Variants in ANKFN1 observed in about 807,000 individuals in gnomAD.
ANKFN1 encodes ankyrin repeat and fibronectin type-III domain-containing protein 1.
Under a neutral mutation model 108.7 loss-of-function variants are expected in ANKFN1, and 74 were observed. The observed-to-expected ratio is 0.68, with a 90% CI of 0.56 to 0.83. The LOEUF is 0.83. ANKFN1 is among the 40% of genes least tolerant of loss of function. The probability of loss-of-function intolerance (pLI) is 0.00; values close to 1 mark genes in which losing one functional copy is unlikely to be tolerated. For synonymous variants in ANKFN1, 547 were observed against 516.2 expected (o/e 1.06, Z -0.81); for missense variants, 1,505 against 1,382.3 (o/e 1.09, Z -1.41).
intron 4 of ANKFN1, among the ~76,000 whole-genome samples, chr17:56,339,140 C>A (rs2045895008): frequency 6.6e-6 from 1 of 151,386 alleles, no homozygotes; most frequent in Non-Finnish European, 1.5e-5. Context: ...GTATTTTAAT[C>A]TTTTGATGCT....
intron 18 of ANKFN1, among the ~76,000 whole-genome samples, chr17:56,491,766 G>A (rs1444083946): frequency 6.6e-6 from 1 of 152,154 alleles, no homozygotes; most frequent in African/African-American, 2.4e-5. Context: ...GAGTAGGCAA[G>A]ATATGTACTG....
chr17:56,509,826 C>G (rs1298675907), intron 20 of ANKFN1, among the ~76,000 whole-genome samples: 1 of 152,194 alleles, frequency 6.6e-6, no homozygotes, highest in Non-Finnish European at 1.5e-5. Context: ...AGACTTTATC[C>G]ATGAATTTTG....
At chr17:56,188,581 G>GTGTGTATATA (rs1212242378) in intron 1 of ANKFN1, among the ~76,000 whole-genome samples, 15 of 49,642 alleles carry the variant, frequency 3.0e-4, no homozygotes, top group East Asian at 1.5e-3. Context: ...GTGTGTGTGT[G>GTGTGTATATA]TATATATATA....
intron 3 of ANKFN1, among the ~76,000 whole-genome samples, chr17:56,286,060 T>C (rs2044209418): frequency 6.6e-6 from 1 of 152,190 alleles, no homozygotes; most frequent in African/African-American, 2.4e-5. Context: ...CTATCCAGTA[T>C]CCTGCTCTGC....
intron 1 of ANKFN1, among the ~76,000 whole-genome samples, chr17:56,162,833 T>G (rs1410531468): frequency 1.3e-5 from 2 of 152,012 alleles, no homozygotes; most frequent in African/African-American, 4.8e-5. Flanking sequence ...GTCAGGAGTT[T>G]GAGACCAGCC....
chr17:56,092,989 G>C (rs947129129), intron 4 of ANKFN1, among the ~76,000 whole-genome samples: 1 of 151,116 alleles, frequency 6.6e-6, no homozygotes. Context: ...CCTGTGATTA[G>C]ATTAGGTTCA....
At chr17:56,320,132 T>C (rs2045321216) in intron 3 of ANKFN1, among the ~76,000 whole-genome samples, 1 of 152,162 alleles carries the variant, frequency 6.6e-6, no homozygotes, top group South Asian at 2.1e-4. Context: ...AGAGATACCA[T>C]TGCATGGCAC....
chr17:56,516,281 TGC>T lies in ANKFN1; in HGVS notation c.*5014_*5015del, dbSNP rs1216445263. Among the ~76,000 whole-genome samples the T allele has an allele frequency of 3.3e-5, 5 of 151,026 alleles. No individual in the cohort carries two copies. The highest frequency in any genetic ancestry group is 1.2e-4 in the African/African-American group (5 of 41,038). On this transcript the variant is annotated 3_prime_UTR_variant, in exon 21 of 21. Coordinates refer to ENST00000682825, the MANE Select transcript of ANKFN1 (RefSeq NM_001370326.1). The stretch of plus-strand genomic sequence containing the variant: ...AAGTGTGTGTGTGTGTGTGTGTGTG[TGC>T]GTGTGTGGTGGTGTCAGAGAGATGT...
chr17:56,457,762 C>CAAAAAA, intron 13 of ANKFN1, 101 bp from the exon 14 acceptor site: 1 of 838,968 alleles, frequency 1.2e-6, no homozygotes, highest in Non-Finnish European at 2.0e-6. Flanking sequence ...GGAGAATAAA[C>CAAAAAA]ATCAGGGGTC....
At chr17:56,411,937 G>A (rs1598557979) in intron 8 of ANKFN1, among the ~76,000 whole-genome samples, 1 of 152,106 alleles carries the variant, frequency 6.6e-6, no homozygotes, top group Non-Finnish European at 1.5e-5. Flanking sequence ...AGGGACATTG[G>A]CCTGTAGATT....
Position 56,436,752 on chromosome 17 carries a change from C to G in ANKFN1, c.911-3575C>G, listed in dbSNP as rs566504600. 2.3e-3 allele frequency among the ~76,000 whole-genome samples: 342 copies of G among 151,856 alleles called. 1 individual carries two copies. The highest frequency in any genetic ancestry group is 3.0e-3 in the Non-Finnish European group (206 of 67,970). ...GGCTGAGACAGGAAAATCACTTGTACCCGGGAGGCGGAGGTTGGAGGTTGC... is the reference window on the plus strand; with the variant it reads ...GGCTGAGACAGGAAAATCACTTGTAGCCGGGAGGCGGAGGTTGGAGGTTGC... On this transcript the variant is annotated intron_variant, in intron 8 of 20. Coordinates refer to ENST00000682825, the MANE Select transcript of ANKFN1 (RefSeq NM_001370326.1).
chr17:56,355,156 T>C (rs1274083781), intron 6 of ANKFN1, among the ~76,000 whole-genome samples: 1 of 152,156 alleles, frequency 6.6e-6, no homozygotes, highest in Non-Finnish European at 1.5e-5. Flanking sequence ...ATACACTAAA[T>C]ACCCTAATTT....
chr17:56,478,687 A>G (rs959749336), intron 16 of ANKFN1, among the ~76,000 whole-genome samples: 3 of 151,830 alleles, frequency 2.0e-5, no homozygotes, highest in Admixed American at 2.0e-4. Flanking sequence ...AAAAAGAAAG[A>G]GAAGAAAAGA....
chr17:56,224,777 G>C (rs914430022), intron 2 of ANKFN1: 2 of 152,246 alleles, frequency 1.3e-5, no homozygotes, highest in African/African-American at 2.4e-5. Context: ...AGACAGAGAT[G>C]TATCCTCAGT....
chr17:56,317,707 T>C (rs1348768243), intron 3 of ANKFN1, among the ~76,000 whole-genome samples: 1 of 152,150 alleles, frequency 6.6e-6, no homozygotes, highest in Non-Finnish European at 1.5e-5. Flanking sequence ...TGGTGGACAA[T>C]ATGACAACAA....
chr17:56,512,004 A>G lies in ANKFN1; in HGVS notation c.*735A>G, dbSNP rs1229801515. ...GGACAGAAAGTAGCCCTTCCTGTAT[A>G]CTCAGCTCCCATCCAAGCATGAAAA... On this transcript the variant is annotated 3_prime_UTR_variant, in exon 21 of 21. Coordinates refer to ENST00000682825, the MANE Select transcript of ANKFN1 (RefSeq NM_001370326.1). Among the ~76,000 whole-genome samples the G allele has an allele frequency of 6.6e-6, 1 of 152,144 alleles. No homozygotes were observed. The highest frequency in any genetic ancestry group is 1.5e-5 in the Non-Finnish European group (1 of 68,028).
intron 4 of ANKFN1, among the ~76,000 whole-genome samples, chr17:56,073,115 C>T (rs2143143295): frequency 6.6e-6 from 1 of 151,496 alleles, no homozygotes; most frequent in East Asian, 1.9e-4. Flanking sequence ...GCCTCAGCCT[C>T]CCAAGTAGCT....
Position 56,411,679 on chromosome 17 carries a change from G to A in ANKFN1, c.911-28648G>A, listed in dbSNP as rs118163352. ...CAGCTTTCTTCTATACTGATTTTGTGGAGACTTTTTATCATGAAAAGATGT... is the reference window on the plus strand; with the variant it reads ...CAGCTTTCTTCTATACTGATTTTGTAGAGACTTTTTATCATGAAAAGATGT... On this transcript the variant is annotated intron_variant, in intron 8 of 20. Transcript: ENST00000682825. 6.6e-4 allele frequency among the ~76,000 whole-genome samples: 100 copies of A among 152,148 alleles called. 1 individual carries two copies. The East Asian group carries it at 9.7e-3, about 15-fold the overall frequency.
chr17:56,104,406 C>G (rs565493771), intron 4 of ANKFN1, among the ~76,000 whole-genome samples: 2 of 152,264 alleles, frequency 1.3e-5, no homozygotes, highest in Admixed American at 1.3e-4. Context: ...TGCTGAGACC[C>G]AGAGAGGGGA....
Sources: gnomAD v4.1 joint callset for allele counts (sites outside exome capture counted in the v4.1 genomes callset) on GRCh38, gnomAD v4.1.1 for gene constraint, MANE v1.5 for transcripts, NCBI Gene and HGNC (gene_info 2026-07-23, HGNC 2026-07-21) for gene names.